CEP112: variants seen among roughly 807,000 people sequenced by gnomAD.
The protein encoded by CEP112 is centrosomal protein of 112 kDa.
Under a neutral mutation model 153.0 loss-of-function variants are expected in CEP112, and 127 were observed. The observed-to-expected ratio is 0.83, with a 90% CI of 0.72 to 0.96. CEP112 has a LOEUF of 0.96. Ranked by LOEUF, CEP112 falls within the 40% of genes least tolerant of loss-of-function variation. The pLI is 0.00. For missense variants in CEP112, 1,089 were observed against 1,101.2 expected (o/e 0.99, Z 0.16); for synonymous variants, 358 against 374.4 (o/e 0.96, Z 0.51).
intron 19 of CEP112, among the ~76,000 whole-genome samples, chr17:65,915,675 T>C (rs567423799): frequency 2.7e-5 from 4 of 150,800 alleles, no homozygotes; most frequent in East Asian, 3.9e-4. Context: ...GTAGTCTCAG[T>C]TACTTGGGAG....
rs114550540 is a variant in CEP112 at position 65,717,835 on chromosome 17, A to G, written c.2607+25233T>C. ...TAAAAGGGTCCCTGACTTCTTGGCC[A>G]GGAAGAAATAAGCAACACAAAAGCA... On this transcript the variant is annotated intron_variant, in intron 23 of 26. Coordinates refer to ENST00000535342, the MANE Select transcript of CEP112 (RefSeq NM_001199165.4). Among the ~76,000 whole-genome samples the G allele has an allele frequency of 8.5e-3, 1,298 of 152,308 alleles. 18 individuals carry two copies. The highest frequency in any genetic ancestry group is 0.03 in the African/African-American group (1,232 of 41,546).
chr17:66,057,379 G>A (rs1283304286), intron 11 of CEP112, among the ~76,000 whole-genome samples: 1 of 152,210 alleles, frequency 6.6e-6, no homozygotes, highest in Non-Finnish European at 1.5e-5. Context: ...ACCCTACTGG[G>A]TAGGTATATC....
At position 65,954,752 on chromosome 17, in the gene CEP112, G is replaced by A. The variant is rs2061948905; in HGVS notation, c.1872+6711C>T. On this transcript the variant is annotated intron_variant, in intron 18 of 26. Coordinates refer to ENST00000535342, the MANE Select transcript of CEP112 (RefSeq NM_001199165.4). ...TCTCAGTAATAGAATTGAACAAGCA[G>A]AAGAAAGAACCTCAGAGCTCAAAGA... Among the ~76,000 whole-genome samples the A allele has an allele frequency of 2.0e-5, 3 of 151,942 alleles. No individual in the cohort carries two copies. The South Asian group carries it at 6.2e-4, about 32-fold the overall frequency.
In CEP112 at chr17:66,066,767, C is replaced by T; in HGVS notation, c.955+11G>A. On this transcript the variant is annotated intron_variant, in intron 10 of 26. Transcript: ENST00000535342. ...TGTTATTAAAAGATGTATGTAACAA[C>T]ACAACATCACCTTTCTTTTCAAGCT... The T allele has an allele frequency of 2.0e-6, 3 of 1,468,970 alleles. No homozygotes were observed. The highest frequency in any genetic ancestry group is 1.8e-4 in the Middle Eastern group (1 of 5,624). The allele number at this position is 1,468,970 out of a possible 1,614,324, so 91.0% of individuals were successfully genotyped here. A position where few individuals can be genotyped will look rare whatever the true frequency, so the allele number is the denominator to read the frequency against.
At chr17:65,676,219 T>C (rs2047227280) in intron 24 of CEP112, among the ~76,000 whole-genome samples, 1 of 151,716 alleles carries the variant, frequency 6.6e-6, no homozygotes, top group Non-Finnish European at 1.5e-5. Flanking sequence ...TGCCAGCTAC[T>C]TGGGAGGCTG....
At chr17:66,156,425 A>G (rs1568556511) in intron 4 of CEP112, among the ~76,000 whole-genome samples, 1 of 152,184 alleles carries the variant, frequency 6.6e-6, no homozygotes, top group Non-Finnish European at 1.5e-5. Flanking sequence ...AAGATGAGGA[A>G]AAACCAGCAC....
chr17:65,675,004 A>G (rs1163897594), intron 24 of CEP112, among the ~76,000 whole-genome samples: 10 of 152,224 alleles, frequency 6.6e-5, no homozygotes, highest in Admixed American at 1.3e-4. Context: ...AAAAAGAACT[A>G]AGTAGAAAGT....
chr17:65,665,205 C>T (rs1274611087), intron 24 of CEP112, among the ~76,000 whole-genome samples: 2 of 152,148 alleles, frequency 1.3e-5, no homozygotes, highest in African/African-American at 4.8e-5. Flanking sequence ...TTTTCACCCC[C>T]ACTTTGCTGT....
At chr17:65,821,538 ATATTTTTTTTTTTTT>A (rs1239998158) in intron 21 of CEP112, among the ~76,000 whole-genome samples, 254 of 39,080 alleles carry the variant, frequency 6.5e-3, no homozygotes, top group Non-Finnish European at 8.5e-3. Flanking sequence ...ATATATATAT[ATATTTTTTTTTTTTT>A]TTTTTTTTTT....
intron 23 of CEP112, among the ~76,000 whole-genome samples, chr17:65,728,834 A>G (rs2050332438): frequency 6.6e-6 from 1 of 152,164 alleles, no homozygotes; most frequent in Non-Finnish European, 1.5e-5. Context: ...TGGTGAGTGA[A>G]TGTGAAGGCC....
At chr17:65,917,560 T>C (rs372081156) in intron 19 of CEP112, among the ~76,000 whole-genome samples, 1 of 152,200 alleles carries the variant, frequency 6.6e-6, no homozygotes, top group East Asian at 1.9e-4. Flanking sequence ...CACTTTTATT[T>C]GCTCTCCTGT....
chr17:65,677,744 C>T (rs1224384397), intron 24 of CEP112, among the ~76,000 whole-genome samples: 1 of 152,028 alleles, frequency 6.6e-6, no homozygotes, highest in African/African-American at 2.4e-5. Context: ...GAAACCAGGT[C>T]TCTATTAAAA....
At chr17:66,143,374 C>A (rs1315317242) in intron 4 of CEP112, among the ~76,000 whole-genome samples, 1 of 152,190 alleles carries the variant, frequency 6.6e-6, no homozygotes, top group Non-Finnish European at 1.5e-5. Context: ...CACATCTTTA[C>A]ACACTTGGTT....
chr17:66,041,097 G>GT (rs966913128), intron 12 of CEP112, among the ~76,000 whole-genome samples: 12 of 7,436 alleles, frequency 1.6e-3, no homozygotes, highest in African/African-American at 2.2e-3. Context: ...AAATGGCTTG[G>GT]TAAAAAAAAA....
chr17:65,660,272 CTCCT>C (rs1264551481), intron 24 of CEP112, among the ~76,000 whole-genome samples: 19 of 128,594 alleles, frequency 1.5e-4, no homozygotes, highest in Middle Eastern at 5.0e-3. Flanking sequence ...TTTTCTTTTT[CTCCT>C]TCCTTCCTTC....
At chr17:65,684,691 G>A (rs1158125850) in intron 24 of CEP112, among the ~76,000 whole-genome samples, 2 of 152,144 alleles carry the variant, frequency 1.3e-5, no homozygotes, top group African/African-American at 2.4e-5. Context: ...ACCTGCACCC[G>A]AGTGACAGAT....
intron 17 of CEP112, among the ~76,000 whole-genome samples, chr17:65,970,801 A>G (rs942064148): frequency 4.6e-5 from 7 of 152,022 alleles, no homozygotes; most frequent in Non-Finnish European, 1.0e-4. Flanking sequence ...TATATTGCAC[A>G]TGTGTATGGC....
chr17:66,076,346 T>C (rs1232938863), intron 8 of CEP112, among the ~76,000 whole-genome samples: 1 of 151,926 alleles, frequency 6.6e-6, no homozygotes, highest in South Asian at 2.1e-4. Context: ...TGCCTGGAAA[T>C]AGACTCGGGG....
At chr17:66,125,492 G>T (rs1231599856) in intron 6 of CEP112, among the ~76,000 whole-genome samples, 1 of 151,828 alleles carries the variant, frequency 6.6e-6, no homozygotes, top group Non-Finnish European at 1.5e-5. Flanking sequence ...CTTTAGCCTT[G>T]GTGACAGAGC....
Sources: gnomAD v4.1 joint callset for allele counts (sites outside exome capture counted in the v4.1 genomes callset) on GRCh38, gnomAD v4.1.1 for gene constraint, MANE v1.5 for transcripts, NCBI Gene and HGNC (gene_info 2026-07-23, HGNC 2026-07-21) for gene names.